The following NDUFA12 variants were observed in gnomAD, a reference collection of about 807,000 sequenced individuals.
NDUFA12 encodes NADH:ubiquinone oxidoreductase subunit A12.
A neutral mutation model predicts 20.3 loss-of-function variants in NDUFA12; 17 were observed. That is an observed-to-expected ratio of 0.84 (90% CI 0.57 to 1.26). The LOEUF (loss-of-function observed/expected upper bound fraction) is 1.26, where lower values mean the gene tolerates loss of function less well. NDUFA12 is among the 50% of genes most tolerant of loss of function. The probability of loss-of-function intolerance (pLI) is 0.00; values close to 1 mark genes in which losing one functional copy is unlikely to be tolerated. For synonymous variants in NDUFA12, 72 were observed against 63.6 expected, an observed-to-expected ratio of 1.13 and a Z score of -0.63; for missense variants, 191 against 183.7, an observed-to-expected ratio of 1.04 and a Z score of -0.23.
At chr12:94,974,034 A>C (rs1240321850) in intron 3 of NDUFA12, among the ~76,000 whole-genome samples, 1 of 129,200 alleles carries the variant, frequency 7.7e-6, no homozygotes, top group Non-Finnish European at 1.5e-5. Flanking sequence ...TGCAGTGGTG[A>C]TATCTTGGCT....
Position 95,003,608 on chromosome 12 carries a change from G to T in NDUFA12, c.73C>A (p.Arg25=), listed in dbSNP as rs771019323. The change falls in exon 1 of 4, where the codon CGG becomes AGG. Residue 25 remains arginine, a synonymous_variant. Transcript: ENST00000327772. ...TGHGGLRGYL[R]VFFRTNDAKV... ...CTGGCCGCCTACCTGAAAAAAACCC[G>T]TAGATAGCCTCGGAGACCGCCGTGG... 1 of 1,614,180 alleles carries T rather than the reference G, an allele frequency of 6.2e-7. No homozygotes were observed. The highest frequency in any genetic ancestry group is 2.2e-5 in the East Asian group (1 of 44,864).
chr12:94,987,448 G>A (rs1047916944), intron 3 of NDUFA12, among the ~76,000 whole-genome samples: 13 of 152,240 alleles, frequency 8.5e-5, no homozygotes, highest in African/African-American at 2.9e-4. Flanking sequence ...TTCAGAACAC[G>A]CTGCTCCAAA....
intron 3 of NDUFA12, among the ~76,000 whole-genome samples, chr12:94,982,473 T>C (rs1217465426): frequency 6.6e-6 from 1 of 152,050 alleles, no homozygotes; most frequent in Non-Finnish European, 1.5e-5. Flanking sequence ...AGACGGGGTT[T>C]CACTGTGTTA....
intron 3 of NDUFA12, among the ~76,000 whole-genome samples, chr12:94,983,439 G>A (rs1478550741): frequency 6.6e-6 from 1 of 152,170 alleles, no homozygotes; most frequent in Non-Finnish European, 1.5e-5. Flanking sequence ...GGCCTGTGCA[G>A]AGGTCTACTG....
rs781086834 is a variant in NDUFA12, at chr12:95,003,643, T to G, written c.38A>C (p.Gln13Pro). 3 of 1,614,060 alleles carry G rather than the reference T, an allele frequency of 1.9e-6. No homozygotes were observed. The highest frequency in any genetic ancestry group is 1.3e-5 in the African/African-American group (1 of 74,922). The part of the protein sequence containing the change: ...LVQVLKRGLQ[Q>P]ITGHGGLRGY... Reference sequence around the variant, plus strand: ...TCGGAGACCGCCGTGGCCGGTGATCTGCTGCAGCCCGCGTTTCAGGACCTG... The same window carrying G: ...TCGGAGACCGCCGTGGCCGGTGATCGGCTGCAGCCCGCGTTTCAGGACCTG... The change falls in exon 1 of 4, where the codon CAG becomes CCG. Residue 13 changes from glutamine (Q) to proline (P), a missense_variant. Coordinates refer to ENST00000327772, the MANE Select transcript of NDUFA12 (RefSeq NM_018838.5).
At chr12:95,002,437 C>CAAAAAAAA (rs71075895) in intron 2 of NDUFA12, among the ~76,000 whole-genome samples, 13 of 63,610 alleles carry the variant, frequency 2.0e-4, no homozygotes, top group African/African-American at 2.8e-4. Flanking sequence ...GACTCCATCT[C>CAAAAAAAA]AAAAAAAAAA....
At chr12:94,987,974 C>G (rs983144109) in intron 3 of NDUFA12, among the ~76,000 whole-genome samples, 27 of 152,058 alleles carry the variant, frequency 1.8e-4, no homozygotes, top group African/African-American at 6.0e-4. Flanking sequence ...TCTGCACAAA[C>G]GTTGTTAAAT....
chr12:95,003,444 C>G (rs888788004), intron 1 of NDUFA12, 151 bp downstream of exon 1: 8 of 836,464 alleles, frequency 9.6e-6, no homozygotes, highest in Non-Finnish European at 1.4e-5. Flanking sequence ...GGACAGAGAC[C>G]AGCCTGGGGG....
At chr12:94,996,466 G>T (rs1874836744) in intron 2 of NDUFA12, among the ~76,000 whole-genome samples, 1 of 151,544 alleles carries the variant, frequency 6.6e-6, no homozygotes, top group Admixed American at 6.6e-5. Context: ...GAGCCACCAT[G>T]CCAGGCCCTA....
chr12:94,971,833 A>G (rs1248126169), intron 3 of NDUFA12: 2 of 728,954 alleles, frequency 2.7e-6, no homozygotes, highest in Non-Finnish European at 5.0e-6. Flanking sequence ...GATAATAGAC[A>G]TAAAGCACAT....
At chr12:94,996,137 G>A (rs746516841) in intron 2 of NDUFA12, among the ~76,000 whole-genome samples, 1 of 150,068 alleles carries the variant, frequency 6.7e-6, no homozygotes, top group Non-Finnish European at 1.5e-5. Flanking sequence ...GAGCACGGGA[G>A]GCAGAGGTTG....
intron 2 of NDUFA12, among the ~76,000 whole-genome samples, chr12:94,998,550 T>C (rs1874912381): frequency 6.6e-6 from 1 of 152,216 alleles, no homozygotes; most frequent in African/African-American, 2.4e-5. Context: ...TGTCGCTGTT[T>C]GTTGATGATA....
intron 3 of NDUFA12, among the ~76,000 whole-genome samples, chr12:94,991,726 CAAAA>C (rs367869799): frequency 8.8e-6 from 1 of 113,168 alleles, no homozygotes. Flanking sequence ...GACGCTATCT[CAAAA>C]AAAAAAAAAA....
chr12:94,984,016 G>T (rs1335686881), intron 3 of NDUFA12, among the ~76,000 whole-genome samples: 2 of 152,078 alleles, frequency 1.3e-5, no homozygotes, highest in African/African-American at 4.8e-5. Context: ...TGGGGTGCTG[G>T]AGGCAAAATA....
chr12:94,996,013 T>C (rs1225960457), intron 2 of NDUFA12, among the ~76,000 whole-genome samples: 1 of 151,076 alleles, frequency 6.6e-6, no homozygotes, highest in Non-Finnish European at 1.5e-5. Flanking sequence ...TTCGAGACCA[T>C]CCTGGGCAAC....
At chr12:95,002,103 C>T (rs1229975847) in intron 2 of NDUFA12, among the ~76,000 whole-genome samples, 1 of 151,858 alleles carries the variant, frequency 6.6e-6, no homozygotes, top group Admixed American at 6.6e-5. Flanking sequence ...CTGCATTAAC[C>T]TACATATTTA....
At chr12:94,980,275 T>C (rs757503054) in intron 3 of NDUFA12, among the ~76,000 whole-genome samples, 36 of 152,138 alleles carry the variant, frequency 2.4e-4, no homozygotes, top group Non-Finnish European at 4.1e-4. Flanking sequence ...TGATTCTAAT[T>C]CTCCACCCCT....
intron 3 of NDUFA12, among the ~76,000 whole-genome samples, chr12:94,983,552 G>C (rs1874311052): frequency 6.6e-6 from 1 of 152,184 alleles, no homozygotes; most frequent in South Asian, 2.1e-4. Context: ...AGCAGCCTCA[G>C]AGAAGATCTC....
Position 94,983,825 on chromosome 12 carries a change from C to G in NDUFA12, c.257+10345G>C, listed in dbSNP as rs149560014. Among the ~76,000 whole-genome samples the G allele has an allele frequency of 1.1e-3, 160 of 152,212 alleles. 1 individual carries two copies. Among genetic ancestry groups the G allele is most frequent in the African/African-American group, 3.7e-3 (155 of 41,512 alleles). ...CCTTGCCTCCTTCCTTTATTCTTCA[C>G]AGCAACCACAGAGATGCTTTAAAAA... On this transcript the variant is annotated intron_variant, in intron 3 of 3. Transcript: ENST00000327772.
Sources: gnomAD v4.1 joint callset for allele counts (sites outside exome capture counted in the v4.1 genomes callset) on GRCh38, gnomAD v4.1.1 for gene constraint, MANE v1.5 for transcripts, NCBI Gene and HGNC (gene_info 2026-07-23, HGNC 2026-07-21) for gene names.